Variants in XKR6 observed in about 807,000 individuals in gnomAD.
XKR6 encodes XK-related protein 6.
XKR6 carries 22 observed loss-of-function variants against 56.7 expected under a neutral mutation model. That is an observed-to-expected ratio of 0.39 (90% CI 0.28 to 0.55). The LOEUF is 0.55. Ranked by LOEUF, XKR6 falls within the 20% of genes least tolerant of loss-of-function variation. The pLI is 0.66. For missense variants in XKR6, 852 were observed against 889.0 expected (o/e 0.96, Z 0.53); for synonymous variants, 524 against 387.8 (o/e 1.35, Z -4.13).
At chr8:10,900,181 A>G (rs932849848) in intron 2 of XKR6, among the ~76,000 whole-genome samples, 1 of 152,028 alleles carries the variant, frequency 6.6e-6, no homozygotes, top group Non-Finnish European at 1.5e-5. Context: ...AATTCCCCCC[A>G]CGACATTCTT....
chr8:11,067,292 C>G (rs1025969698), intron 1 of XKR6, among the ~76,000 whole-genome samples: 9 of 152,170 alleles, frequency 5.9e-5, no homozygotes, highest in African/African-American at 2.2e-4. Flanking sequence ...TTGGCTTGAG[C>G]TTGCATCCTC....
At chr8:11,196,439 A>G (rs529548238) in intron 1 of XKR6, among the ~76,000 whole-genome samples, 1 of 152,294 alleles carries the variant, frequency 6.6e-6, no homozygotes, top group African/African-American at 2.4e-5. Context: ...AAAACAAAAA[A>G]AACAACAACA....
intron 1 of XKR6, among the ~76,000 whole-genome samples, chr8:10,992,272 GTCTCTCTC>G (rs202038745): frequency 6.9e-5 from 10 of 144,098 alleles, no homozygotes; most frequent in Admixed American, 1.3e-4. Flanking sequence ...CTGTCTCTCT[GTCTCTCTC>G]TCTCTCTCAC....
At chr8:11,016,809 G>A (rs955491617) in intron 1 of XKR6, among the ~76,000 whole-genome samples, 3 of 152,318 alleles carry the variant, frequency 2.0e-5, no homozygotes, top group Non-Finnish European at 4.4e-5. Context: ...TCTCTCTCGG[G>A]CCAGCCGAGC....
chr8:11,005,324 C>T (rs7821225), intron 1 of XKR6, among the ~76,000 whole-genome samples: 52,187 of 151,708 alleles, frequency 0.34, 11,870 homozygotes, highest in African/African-American at 0.65. Flanking sequence ...ACTAAAACCA[C>T]ATAAGGTGAA....
At chr8:11,032,689 G>C (rs1331582814) in intron 1 of XKR6, among the ~76,000 whole-genome samples, 1 of 152,188 alleles carries the variant, frequency 6.6e-6, no homozygotes, top group Non-Finnish European at 1.5e-5. Flanking sequence ...CAGCAGGATG[G>C]CTCAGGAGCT....
At chr8:11,012,933 T>C (rs1224540857) in intron 1 of XKR6, among the ~76,000 whole-genome samples, 1 of 152,160 alleles carries the variant, frequency 6.6e-6, no homozygotes, top group Non-Finnish European at 1.5e-5. Flanking sequence ...AAAAAGGTGG[T>C]GTCTTGCCAA....
chr8:11,059,666 C>T (rs936237600), intron 1 of XKR6, among the ~76,000 whole-genome samples: 5 of 129,424 alleles, frequency 3.9e-5, no homozygotes, highest in Admixed American at 7.1e-5. Flanking sequence ...GGGCGCGGGG[C>T]GGGACAGGTG....
At chr8:11,091,531 G>A (rs1387133133) in intron 1 of XKR6, among the ~76,000 whole-genome samples, 1 of 152,108 alleles carries the variant, frequency 6.6e-6, no homozygotes, top group Admixed American at 6.6e-5. Flanking sequence ...ATGACTGGAT[G>A]CCAGTAGCAA....
At chr8:10,988,858 G>T (rs1168558625) in intron 1 of XKR6, among the ~76,000 whole-genome samples, 1 of 152,210 alleles carries the variant, frequency 6.6e-6, no homozygotes, top group Non-Finnish European at 1.5e-5. Flanking sequence ...CGGAGTTAAG[G>T]TGCAGATTCC....
chr8:11,169,419 T>C (rs754980465), intron 1 of XKR6, among the ~76,000 whole-genome samples: 11 of 152,012 alleles, frequency 7.2e-5, no homozygotes, highest in Non-Finnish European at 1.3e-4. Context: ...CAAAATGTAG[T>C]AAATATCTAC....
At position 10,920,385 on chromosome 8, in the gene XKR6, G is replaced by A. The variant is rs115561651; in HGVS notation, c.961+4249C>T. On this transcript the variant is annotated intron_variant, in intron 2 of 2. Coordinates refer to ENST00000416569, the MANE Select transcript of XKR6 (RefSeq NM_173683.4). ...AGGTACTAGCATTATCCCCATTTTA[G>A]AAATGAGAAAAATGAGGAACAGACA... Among the ~76,000 whole-genome samples the A allele has an allele frequency of 4.6e-3, 700 of 152,152 alleles. 5 individuals are homozygous for A. The highest frequency in any genetic ancestry group is 0.015 in the African/African-American group (637 of 41,514).
intron 1 of XKR6, among the ~76,000 whole-genome samples, chr8:11,071,456 C>G (rs1315426655): frequency 7.4e-6 from 1 of 134,556 alleles, no homozygotes; most frequent in Non-Finnish European, 1.6e-5. Flanking sequence ...TCATTTTACA[C>G]CTTTAAGTCT....
At chr8:11,135,661 T>A (rs1283517206) in intron 1 of XKR6, among the ~76,000 whole-genome samples, 2 of 151,870 alleles carry the variant, frequency 1.3e-5, no homozygotes, top group African/African-American at 4.8e-5. Context: ...GGTGAATTCA[T>A]GAAAAAATGT....
At chr8:11,127,955 T>C (rs949867477) in intron 1 of XKR6, among the ~76,000 whole-genome samples, 2 of 152,236 alleles carry the variant, frequency 1.3e-5, no homozygotes, top group South Asian at 4.1e-4. Context: ...GCTATTTCAA[T>C]GCATAGTTCA....
In XKR6 at chr8:11,095,780, T is replaced by C. The variant is rs115847712; in HGVS notation, c.764+104796A>G. ...GGATATGACCCAGGCACTGGTAACA[T>C]TTAAAAGCTCAAACGGGTGATTCTG... On this transcript the variant is annotated intron_variant, in intron 1 of 2. Coordinates refer to ENST00000416569, the MANE Select transcript of XKR6 (RefSeq NM_173683.4). 2.8e-3 allele frequency among the ~76,000 whole-genome samples: 434 copies of C among 152,330 alleles called. 1 individual carries two copies. The highest frequency in any genetic ancestry group is 0.01 in the African/African-American group (417 of 41,576).
At chr8:11,062,817 G>C in intron 1 of XKR6, 1 of 456,222 alleles carries the variant, frequency 2.2e-6, no homozygotes, top group Non-Finnish European at 4.4e-6. Context: ...CAGCCTCCTC[G>C]GCAATCAGCG....
chr8:11,120,859 T>A (rs1799417242), intron 1 of XKR6, among the ~76,000 whole-genome samples: 3 of 152,116 alleles, frequency 2.0e-5, no homozygotes, highest in Middle Eastern at 3.4e-3. Flanking sequence ...ATGGAACAGA[T>A]CAGAGCCCTC....
chr8:11,194,090 G>C (rs968340934), intron 1 of XKR6, among the ~76,000 whole-genome samples: 2 of 152,116 alleles, frequency 1.3e-5, no homozygotes, highest in African/African-American at 4.8e-5. Flanking sequence ...ACTCTACTCC[G>C]AATCAGCACC....
Sources: gnomAD v4.1 joint callset for allele counts (sites outside exome capture counted in the v4.1 genomes callset) on GRCh38, gnomAD v4.1.1 for gene constraint, MANE v1.5 for transcripts, NCBI Gene and HGNC (gene_info 2026-07-23, HGNC 2026-07-21) for gene names.